Variants in GNB5 observed in about 807,000 individuals in gnomAD.
GNB5 encodes the protein G protein subunit beta 5.
A neutral mutation model predicts 55.3 loss-of-function variants in GNB5; 37 were observed. The ratio of observed to expected loss-of-function variants is 0.67; its 90% CI spans 0.51 to 0.88. The LOEUF (loss-of-function observed/expected upper bound fraction) is 0.88. GNB5 is among the 40% of genes least tolerant of loss of function. The pLI, the probability that GNB5 is intolerant of heterozygous loss-of-function variation, is 0.00. For missense variants in GNB5, 476 were observed against 515.3 expected, an observed-to-expected ratio of 0.92 and a Z score of 0.74; for synonymous variants, 219 against 198.5, an observed-to-expected ratio of 1.10 and a Z score of -0.87.
At chr15:52,164,681 A>G (rs1247041857) in intron 3 of GNB5, among the ~76,000 whole-genome samples, 1 of 152,086 alleles carries the variant, frequency 6.6e-6, no homozygotes, top group Non-Finnish European at 1.5e-5. Flanking sequence ...TCATCATCAA[A>G]AAGACTCCAC....
Position 52,179,503 on chromosome 15 carries a change from C to A in GNB5, c.238+265G>T, listed in dbSNP as rs75358009. 6.9e-3 allele frequency among the ~76,000 whole-genome samples: 1,050 copies of A among 152,030 alleles called. 11 individuals carry two copies. Among genetic ancestry groups the A allele is most frequent in the African/African-American group, 0.025 (1,018 of 41,482 alleles). On this transcript the variant is annotated intron_variant, in intron 3 of 12. Coordinates refer to ENST00000261837, the MANE Select transcript of GNB5 (RefSeq NM_016194.4). ...GCTTCCAGGCAGGTGATGAGGATAGCTAGTCCCGCGGTCCTCCGCTAGCTG... is the reference window on the plus strand; with the variant it reads ...GCTTCCAGGCAGGTGATGAGGATAGATAGTCCCGCGGTCCTCCGCTAGCTG...
chr15:52,174,529 G>A (rs1005819755), intron 3 of GNB5, among the ~76,000 whole-genome samples: 5 of 152,148 alleles, frequency 3.3e-5, no homozygotes, highest in Non-Finnish European at 5.9e-5. Context: ...ACCCATATAA[G>A]CTATTAATAC....
At position 52,147,547 on chromosome 15, in the gene GNB5, C is replaced by A; in HGVS notation, c.418-12G>T. 1 of 1,481,866 alleles carries A rather than the reference C, an allele frequency of 6.7e-7. No individual in the cohort carries two copies. Among genetic ancestry groups the A allele is most frequent in the Non-Finnish European group, 9.2e-7 (1 of 1,083,048 alleles). 91.8% of individuals were successfully genotyped at this position (1,481,866 alleles called of 1,614,324 possible). On this transcript the variant is annotated splice_polypyrimidine_tract_variant and intron_variant, in intron 5 of 12. Coordinates refer to ENST00000261837, the MANE Select transcript of GNB5 (RefSeq NM_016194.4). The stretch of plus-strand genomic sequence containing the variant: ...GTGACCGCGTGCTCCTGAAACACAG[C>A]ACAGAGTGAACAACTAGCACTTCCA...
At position 52,124,557 on chromosome 15, in the gene GNB5, A is replaced by T. The variant is rs1330922863; in HGVS notation, c.1092T>A (p.Phe364Leu). ...VLKGSRVSIL[F>L]GHENRVSTLR... ...GAGTGCTAACGCGGTTTTCATGTCC[A>T]AACAGGATGGAGACCCGGGACCCTT... The change falls in exon 12 of 13, where the codon TTT (phenylalanine) becomes TTA (leucine). Residue 364 changes from phenylalanine (F) to leucine (L), a missense_variant. Coordinates refer to ENST00000261837, the MANE Select transcript of GNB5 (RefSeq NM_016194.4). 8.1e-6 allele frequency: 13 copies of T among 1,613,706 alleles called. No individual in the cohort carries two copies. Among genetic ancestry groups the T allele is most frequent in the African/African-American group, 2.7e-5 (2 of 74,940 alleles).
At chr15:52,136,986 T>C (rs1371234413) in intron 7 of GNB5, 1 of 453,822 alleles carries the variant, frequency 2.2e-6, no homozygotes, top group African/African-American at 2.0e-5. Flanking sequence ...TTACCAAGAT[T>C]AACAGCTTGC....
chr15:52,145,252 TCCTTTTAGGA>T (rs960187994), intron 6 of GNB5, among the ~76,000 whole-genome samples: 15 of 152,012 alleles, frequency 9.9e-5, no homozygotes, highest in African/African-American at 3.4e-4. Context: ...GCACCTCTTA[TCCTTTTAGGA>T]AGTAGATGGT....
chr15:52,190,819 C>T (rs1020057996), intron 1 of GNB5, among the ~76,000 whole-genome samples: 1 of 92,118 alleles, frequency 1.1e-5, no homozygotes, highest in South Asian at 3.4e-4. Context: ...AAAAAAAAAA[C>T]ATAAATGTCA....
intron 6 of GNB5, chr15:52,147,209 G>A (rs1028239145): frequency 3.7e-6 from 1 of 269,948 alleles, no homozygotes; most frequent in African/African-American, 2.6e-5. Flanking sequence ...TTGCTATGTT[G>A]CCAGGGTGGA....
At chr15:52,131,829 T>C (rs1274268544) in intron 9 of GNB5, among the ~76,000 whole-genome samples, 1 of 152,218 alleles carries the variant, frequency 6.6e-6, no homozygotes, top group Non-Finnish European at 1.5e-5. Context: ...GAAAATACTT[T>C]ATAAACTGTC....
At chr15:52,143,259 T>C (rs956532083) in intron 6 of GNB5, among the ~76,000 whole-genome samples, 1 of 152,288 alleles carries the variant, frequency 6.6e-6, no homozygotes, top group South Asian at 2.1e-4. Flanking sequence ...CCCTGACCCC[T>C]GAGCTGGGAT....
Position 52,116,592 on chromosome 15 carries a change from A to T in GNB5, c.*6165T>A, listed in dbSNP as rs1226451413. 2 of 152,156 alleles carry T rather than the reference A, an allele frequency of 1.3e-5. No homozygotes were observed. Among genetic ancestry groups the T allele is most frequent in the Admixed American group, 1.3e-4 (2 of 15,282 alleles). The allele number at this position is 152,156 out of a possible 1,614,324, so 9.4% of individuals were successfully genotyped here. On this transcript the variant is annotated 3_prime_UTR_variant, in exon 13 of 13. Coordinates refer to ENST00000261837, the MANE Select transcript of GNB5 (RefSeq NM_016194.4). ...CTATCATTTGTGTTGGGAATGTGAA[A>T]GTTGTTAGAATTCAAATAGAGTCAC...
At chr15:52,187,251 G>C (rs1314818049) in intron 1 of GNB5, among the ~76,000 whole-genome samples, 1 of 152,166 alleles carries the variant, frequency 6.6e-6, no homozygotes, top group Non-Finnish European at 1.5e-5. Context: ...ACAAGGTTGG[G>C]CTGAACACTC....
intron 3 of GNB5, among the ~76,000 whole-genome samples, chr15:52,174,004 C>G (rs1039584961): frequency 2.0e-5 from 3 of 152,178 alleles, no homozygotes; most frequent in Non-Finnish European, 4.4e-5. Flanking sequence ...AGTTAAGGAT[C>G]TTGAGATGGG....
chr15:52,159,149 T>A (rs930817437), intron 3 of GNB5, among the ~76,000 whole-genome samples: 1 of 152,152 alleles, frequency 6.6e-6, no homozygotes, highest in African/African-American at 2.4e-5. Context: ...AACAACCTGA[T>A]TGCAGAGTAA....
At chr15:52,141,109 G>C (rs2033842282) in intron 7 of GNB5, 31 bp downstream of exon 7, 1 of 1,611,146 alleles carries the variant, frequency 6.2e-7, no homozygotes, top group African/African-American at 1.3e-5. Context: ...TCCTTGGCAG[G>C]TCAACCTGAC....
chr15:52,153,077 C>G lies in GNB5; in HGVS notation c.375+863G>C, dbSNP rs1354618114. On this transcript the variant is annotated intron_variant, in intron 4 of 12. Coordinates refer to ENST00000261837, the MANE Select transcript of GNB5 (RefSeq NM_016194.4). ...TGATAGTCACACTTTTCTATAGTCT[C>G]TTTCCTCTGTGTATCAGGGTTGTTC... is the stretch of plus-strand genomic sequence containing the variant. Among the ~76,000 whole-genome samples the G allele has an allele frequency of 2.0e-5, 3 of 152,240 alleles. No homozygotes were observed. In the East Asian group the frequency reaches 5.8e-4, roughly 29 times the overall value.
chr15:52,145,124 A>G (rs1194252086), intron 6 of GNB5, among the ~76,000 whole-genome samples: 2 of 151,340 alleles, frequency 1.3e-5, no homozygotes, highest in Admixed American at 1.3e-4. Flanking sequence ...AGTTGGCTAA[A>G]CTCCTTTGCA....
chr15:52,128,717 G>A (rs566664357), intron 9 of GNB5: 2 of 459,510 alleles, frequency 4.4e-6, no homozygotes, highest in East Asian at 6.9e-5. Context: ...GAGTAATAAT[G>A]CATATTTTCT....
At chr15:52,139,665 C>A (rs149273010) in intron 7 of GNB5, 261 of 419,832 alleles carry the variant, frequency 6.2e-4, no homozygotes, top group African/African-American at 5.0e-3. Context: ...TAGAACACAG[C>A]GGAGCCAAGA....
Sources: gnomAD v4.1 joint callset for allele counts (sites outside exome capture counted in the v4.1 genomes callset) on GRCh38, gnomAD v4.1.1 for gene constraint, MANE v1.5 for transcripts, NCBI Gene and HGNC (gene_info 2026-07-23, HGNC 2026-07-21) for gene names.